ASMTL: variants seen among roughly 807,000 people sequenced by gnomAD.
The protein encoded by ASMTL is probable bifunctional dTTP/UTP pyrophosphatase/methyltransferase protein.
Under a neutral mutation model 60.3 loss-of-function variants are expected in ASMTL, and 57 were observed. That is an observed-to-expected ratio of 0.95 (90% CI 0.76 to 1.18). ASMTL has a LOEUF of 1.18. Among genes scored for constraint, ASMTL ranks in the 50% most tolerant of loss-of-function variants. ASMTL has a pLI of 0.00. For missense variants in ASMTL, 981 were observed against 852.6 expected (o/e 1.15, Z -1.88); for synonymous variants, 419 against 373.0 (o/e 1.12, Z -1.42).
At position 1,428,045 on chromosome X, in the gene ASMTL, C is replaced by T. The variant is rs763441049; in HGVS notation, c.586G>A (p.Val196Met). The change falls in exon 7 of 13, where the codon GTG becomes ATG. Residue 196 changes from valine to methionine, a missense_variant. Transcript: ENST00000381317. ...VESVHGDFLN[V>M]VGFPLNHFCK... ...AAGTGGTTCAGCGGGAATCCCACCA[C>T]GTTCAGAAAGTCCCCGTGTACGGAC... 1.1e-5 allele frequency: 18 copies of T among 1,613,622 alleles called. No individual in the cohort carries two copies. Among genetic ancestry groups the T allele is most frequent in the Non-Finnish European group, 1.4e-5 (17 of 1,179,862 alleles).
chrX:1,421,053 G>C (rs184700415), intron 9 of ASMTL, among the ~76,000 whole-genome samples: 1 of 151,202 alleles, frequency 6.6e-6, no homozygotes, highest in Non-Finnish European at 1.5e-5. Context: ...ACCACATCCC[G>C]GGTTCAAGTG....
intron 2 of ASMTL, among the ~76,000 whole-genome samples, chrX:1,439,524 T>C (rs2091055174): frequency 6.6e-6 from 1 of 151,910 alleles, no homozygotes; most frequent in Non-Finnish European, 1.5e-5. Context: ...GGCCAAAAGG[T>C]TTTTGATCCG....
rs200154507 is a variant in ASMTL at position 1,414,770 on chromosome X, A to AT, written c.1523-1917dup. ...CTGGCAAATCAGAAGCACAGCTATC[A>AT]TGATGTCCTGCAGGAGGAGCTGTAG... On this transcript the variant is annotated intron_variant, in intron 11 of 12. Coordinates refer to ENST00000381317, the MANE Select transcript of ASMTL (RefSeq NM_004192.4). 8.1e-4 allele frequency among the ~76,000 whole-genome samples: 123 copies of AT among 152,218 alleles called. No individual in the cohort carries two copies. The East Asian group carries it at 0.02, about 25-fold the overall frequency.
chrX:1,413,566 A>C (rs1168977569), intron 11 of ASMTL, among the ~76,000 whole-genome samples: 5 of 152,250 alleles, frequency 3.3e-5, no homozygotes, highest in African/African-American at 1.2e-4. Flanking sequence ...AATTGCTGAA[A>C]TAAAAAGATG....
chrX:1,419,790 C>T (rs2090423075), intron 9 of ASMTL, among the ~76,000 whole-genome samples: 2 of 152,208 alleles, frequency 1.3e-5, no homozygotes, highest in Non-Finnish European at 2.9e-5. Flanking sequence ...CCCCGGCCCT[C>T]CCCTGCGTGG....
chrX:1,425,685 G>C lies in ASMTL; in HGVS notation c.900C>G (p.Gly300=). 5 of 1,613,154 alleles carry C rather than the reference G, an allele frequency of 3.1e-6. No individual in the cohort carries two copies. The highest frequency in any genetic ancestry group is 4.2e-6 in the Non-Finnish European group (5 of 1,179,588). ...CCTTCAGTTTGCAAGCGGTGAGCAG[G>C]CCCTGTTAAAAGCAAGTGCAGAGAG... is the stretch of plus-strand genomic sequence containing the variant. The part of the protein sequence containing the change: ...ELIEGFMLSK[G]LLTACKLKVF... Residue 300 remains glycine, a splice_region_variant and synonymous_variant, in exon 8 of 13, where the codon GGC becomes GGG. Transcript: ENST00000381317.
intron 1 of ASMTL, among the ~76,000 whole-genome samples, chrX:1,445,243 G>A (rs2091208168): frequency 1.3e-5 from 2 of 152,106 alleles, no homozygotes; most frequent in South Asian, 4.1e-4. Context: ...CTTATAAAGA[G>A]GATTCTGGGT....
rs191726330 is a variant in ASMTL, at chrX:1,403,438, G to T, written c.1697C>A (p.Ala566Glu). The T allele has an allele frequency of 6.2e-7, 1 of 1,613,256 alleles. No homozygotes were observed. The highest frequency in any genetic ancestry group is 8.5e-7 in the Non-Finnish European group (1 of 1,179,862). ...CAGTGACTGCATCAGGGCGCGCTGC[G>T]CCACCCTCTTCTCCTCATCCAGGAG... ...ETLLDEEKRV[A>E]QRALMQSLNM... is the part of the protein sequence containing the mutation. Residue 566 changes from alanine (A) to glutamate (E), a missense_variant, in exon 13 of 13, where the codon GCG becomes GAG. By Grantham distance (107) the Ala-to-Glu change is moderately radical. Transcript: ENST00000381317.
intron 11 of ASMTL, among the ~76,000 whole-genome samples, chrX:1,416,553 A>T (rs1261264832): frequency 1.3e-5 from 2 of 152,006 alleles, no homozygotes; most frequent in East Asian, 3.9e-4. Flanking sequence ...ACACACAGAG[A>T]TACCCCAACA....
chrX:1,430,552 CCTGAGCCCA>C (rs2090742083), intron 6 of ASMTL, among the ~76,000 whole-genome samples: 1 of 151,990 alleles, frequency 6.6e-6, no homozygotes, highest in African/African-American at 2.4e-5. Flanking sequence ...GGAAGGATCG[CCTGAGCCCA>C]GGAGTTCAAG....
At position 1,427,826 on chromosome X, in the gene ASMTL, T is replaced by A; in HGVS notation, c.805A>T (p.Thr269Ser). ...KAEAGEAGQATAEAECHRTRE... is the reference protein window; with the variant it reads ...KAEAGEAGQASAEAECHRTRE... ...GTCCTGTGACACTCAGCCTCTGCCG[T>A]GGCCTGTCCCGCCTCTCCCGCCTCG... Residue 269 changes from threonine (T) to serine (S), a missense_variant, in exon 7 of 13, where the codon ACG (threonine) becomes TCG (serine). Coordinates refer to ENST00000381317, the MANE Select transcript of ASMTL (RefSeq NM_004192.4). 1 of 1,612,516 alleles carries A rather than the reference T, an allele frequency of 6.2e-7. No individual in the cohort carries two copies. The highest frequency in any genetic ancestry group is 8.5e-7 in the Non-Finnish European group (1 of 1,179,814).
intron 12 of ASMTL, among the ~76,000 whole-genome samples, chrX:1,407,528 G>A (rs2089910323): frequency 6.6e-6 from 1 of 151,894 alleles, no homozygotes; most frequent in African/African-American, 2.4e-5. Context: ...GGTAGATGAT[G>A]GGTAGGTAGA....
intron 1 of ASMTL, among the ~76,000 whole-genome samples, chrX:1,449,833 A>C (rs1404725352): frequency 1.6e-4 from 23 of 140,070 alleles, no homozygotes; most frequent in African/African-American, 6.1e-4. Context: ...TCCTCCCATC[A>C]CCAGTAACTA....
chrX:1,433,544 T>C (rs1292420400), intron 5 of ASMTL, among the ~76,000 whole-genome samples: 16 of 136,038 alleles, frequency 1.2e-4, no homozygotes, highest in Admixed American at 5.3e-4. Flanking sequence ...TAGCCGGGCG[T>C]GGTGGCGGGC....
chrX:1,423,669 G>A (rs776018767), intron 8 of ASMTL, among the ~76,000 whole-genome samples: 2 of 129,642 alleles, frequency 1.5e-5, no homozygotes, highest in Admixed American at 1.6e-4. Flanking sequence ...CCAATCCACC[G>A]ATCCACCCAT....
In ASMTL at chrX:1,448,079, G is replaced by A. The variant is rs757645897; in HGVS notation, c.93+4669C>T. Among the ~76,000 whole-genome samples the A allele has an allele frequency of 3.4e-5, 5 of 147,974 alleles. No homozygotes were observed. In the East Asian group the frequency reaches 1.0e-3, roughly 30 times the overall value. Reference sequence around the variant, plus strand: ...CACCATCTTGGACACACACCATCTTGGACACACACAGCCATCTTGGATAAG... The same window carrying A: ...CACCATCTTGGACACACACCATCTTAGACACACACAGCCATCTTGGATAAG... On this transcript the variant is annotated intron_variant, in intron 1 of 12. Transcript: ENST00000381317.
rs746367030 is a variant in ASMTL, at chrX:1,439,131, G to A, written c.239C>T (p.Ala80Val). ...GTCCGCTCCAATGACCACGTCGGGG[G>A]CCCGCAGGTCTTTCTGTAAGAAAAC... Reference protein sequence around the residue: ...ANRLYQKDLRAPDVVIGADTI... With the variant: ...ANRLYQKDLRVPDVVIGADTI... The change falls in exon 3 of 13, where the codon GCC (alanine) becomes GTC (valine). Residue 80 changes from alanine to valine, a missense_variant. Ala to Val is a moderately conservative substitution (Grantham distance 64, BLOSUM62 0). Coordinates refer to ENST00000381317, the MANE Select transcript of ASMTL (RefSeq NM_004192.4). 5 of 1,614,008 alleles carry A rather than the reference G, an allele frequency of 3.1e-6. No homozygotes were observed. In the Admixed American group the frequency reaches 8.3e-5, roughly 27 times the overall value.
chrX:1,418,162 ACT>A (rs1325758508), intron 10 of ASMTL, 46 bp from the exon 11 acceptor site: 4 of 1,538,140 alleles, frequency 2.6e-6, no homozygotes, highest in Non-Finnish European at 3.5e-6. Flanking sequence ...CGTCTATGGA[ACT>A]CTGACGACTC....
chrX:1,432,745 CT>C (rs2090833999), intron 5 of ASMTL, among the ~76,000 whole-genome samples: 1 of 152,116 alleles, frequency 6.6e-6, no homozygotes, highest in Non-Finnish European at 1.5e-5. Context: ...AGGAGAATCG[CT>C]TGAACCCGGG....
Sources: allele counts gnomAD v4.1 joint callset (sites outside exome capture counted in the v4.1 genomes callset), GRCh38; gene constraint gnomAD v4.1.1; transcripts MANE v1.5; gene names NCBI Gene and HGNC (gene_info 2026-07-23, HGNC 2026-07-21).